USP32: variants seen among roughly 807,000 people sequenced by gnomAD.
USP32 encodes ubiquitin specific peptidase 32.
USP32 carries 59 observed loss-of-function variants against 204.8 expected under a neutral mutation model. That is an observed-to-expected ratio of 0.29 (90% confidence interval 0.23 to 0.36). The LOEUF is 0.36. Among genes scored for constraint, USP32 ranks in the 10% least tolerant of loss-of-function variants. USP32 has a pLI of 1.00. For synonymous variants in USP32, 517 were observed against 678.4 expected, an observed-to-expected ratio of 0.76 and a Z score of 3.70; for missense variants, 1,160 against 1,946.4, an observed-to-expected ratio of 0.60 and a Z score of 7.60.
intron 1 of USP32, among the ~76,000 whole-genome samples, chr17:60,349,643 TTATATATATACA>T (rs2088898836): frequency 1.0e-5 from 1 of 97,116 alleles, no homozygotes; most frequent in African/African-American, 6.7e-5. Context: ...TATATATATA[TTATATATATACA>T]TATATATACA....
chr17:60,361,716 T>C (rs553363964), intron 1 of USP32, among the ~76,000 whole-genome samples: 2 of 152,248 alleles, frequency 1.3e-5, no homozygotes, highest in East Asian at 3.9e-4. Flanking sequence ...AGGGTAGCTG[T>C]TTAAATAATG....
intron 1 of USP32, among the ~76,000 whole-genome samples, chr17:60,357,042 T>C (rs1002321470): frequency 3.3e-5 from 5 of 152,218 alleles, no homozygotes; most frequent in East Asian, 1.9e-4. Flanking sequence ...GAACTATGAT[T>C]GCATCACTGC....
At chr17:60,371,067 A>G (rs1224782651) in intron 1 of USP32, among the ~76,000 whole-genome samples, 1 of 151,450 alleles carries the variant, frequency 6.6e-6, no homozygotes, top group Admixed American at 6.6e-5. Flanking sequence ...CATCTCTACA[A>G]TAAAAATAAA....
At chr17:60,273,882 C>T (rs1287200768) in intron 5 of USP32, among the ~76,000 whole-genome samples, 2 of 143,898 alleles carry the variant, frequency 1.4e-5, no homozygotes, top group Non-Finnish European at 3.0e-5. Context: ...ATCGCTTGAA[C>T]CTAGGAGGTG....
chr17:60,398,281 A>G (rs2089912531), intron 1 of USP32, among the ~76,000 whole-genome samples: 1 of 152,208 alleles, frequency 6.6e-6, no homozygotes, highest in African/African-American at 2.4e-5. Context: ...CTGTAGTCTC[A>G]GCTACTCAGG....
chr17:60,416,995 G>A (rs1215213039), intron 1 of USP32, among the ~76,000 whole-genome samples: 2 of 148,648 alleles, frequency 1.3e-5, no homozygotes, highest in African/African-American at 5.0e-5. Flanking sequence ...TCGGCTCACT[G>A]CAACCTCCCC....
chr17:60,283,729 T>G (rs1052819647), intron 5 of USP32, among the ~76,000 whole-genome samples: 44 of 152,062 alleles, frequency 2.9e-4, no homozygotes, highest in Admixed American at 1.3e-4. Flanking sequence ...GAATTCACTT[T>G]AGATATAAGA....
upstream of USP32, among the ~76,000 whole-genome samples, chr17:60,393,992 G>T (rs145423121): frequency 2.2e-4 from 33 of 152,252 alleles, no homozygotes; most frequent in East Asian, 3.7e-3. Context: ...CCAATATTTC[G>T]TGTTTTTCTA....
chr17:60,224,554 G>A (rs1317890983), intron 13 of USP32, among the ~76,000 whole-genome samples: 1 of 152,210 alleles, frequency 6.6e-6, no homozygotes, highest in Admixed American at 6.5e-5. Context: ...GGAGGCCAAG[G>A]CTGGAGGACT....
chr17:60,369,596 T>C (rs956616371), intron 1 of USP32, among the ~76,000 whole-genome samples: 1 of 152,064 alleles, frequency 6.6e-6, no homozygotes, highest in African/African-American at 2.4e-5. Flanking sequence ...AACACAACAA[T>C]TGGCAGATCT....
At chr17:60,352,571 G>A (rs1598277700) in intron 1 of USP32, among the ~76,000 whole-genome samples, 1 of 152,154 alleles carries the variant, frequency 6.6e-6, no homozygotes, top group African/African-American at 2.4e-5. Context: ...TTTATGGAAG[G>A]CCATTCTAAG....
At chr17:60,196,482 G>C (rs1160995146) in intron 27 of USP32, among the ~76,000 whole-genome samples, 1 of 151,964 alleles carries the variant, frequency 6.6e-6, no homozygotes, top group African/African-American at 2.4e-5. Flanking sequence ...TTTTCCTTTA[G>C]GATTTATTTA....
chr17:60,409,631 A>G, intron 1 of USP32, among the ~76,000 whole-genome samples: 1 of 152,242 alleles, frequency 6.6e-6, no homozygotes, highest in South Asian at 2.1e-4. Flanking sequence ...AGTGAAAAAA[A>G]GTCTGACCTA....
chr17:60,281,788 A>G (rs1238225159), intron 5 of USP32, among the ~76,000 whole-genome samples: 1 of 152,196 alleles, frequency 6.6e-6, no homozygotes, highest in African/African-American at 2.4e-5. Context: ...GTTTCTCAAA[A>G]TGCAGTTCAT....
chr17:60,278,793 T>C (rs1170292113), intron 5 of USP32, among the ~76,000 whole-genome samples: 2 of 152,214 alleles, frequency 1.3e-5, no homozygotes, highest in Non-Finnish European at 2.9e-5. Flanking sequence ...GCTGCTAGAC[T>C]GCTTGGAGAG....
At chr17:60,259,847 T>C (rs1248180864) in intron 9 of USP32, among the ~76,000 whole-genome samples, 2 of 152,214 alleles carry the variant, frequency 1.3e-5, no homozygotes, top group South Asian at 4.1e-4. Context: ...TGTTTATAGT[T>C]CACATTTATT....
chr17:60,309,112 A>C (rs1052360400), intron 2 of USP32, among the ~76,000 whole-genome samples: 4 of 152,202 alleles, frequency 2.6e-5, no homozygotes, highest in African/African-American at 9.6e-5. Context: ...AAAAGGGCAA[A>C]TAACAAAAGC....
In USP32 at chr17:60,218,578, G is replaced by T. The variant is rs563023068; in HGVS notation, c.1867+1092C>A. Among the ~76,000 whole-genome samples, 63 of 151,864 alleles carry T rather than the reference G, an allele frequency of 4.1e-4. 1 individual carries two copies. In the East Asian group the frequency reaches 0.012, roughly 28 times the overall value. ...TGCTGGTATTGTTAACATAGTCTGAGAATTTGTGTAAATGGTTGCTCATGA... is the reference window on the plus strand; with the variant it reads ...TGCTGGTATTGTTAACATAGTCTGATAATTTGTGTAAATGGTTGCTCATGA... On this transcript the variant is annotated intron_variant, in intron 16 of 33. Coordinates refer to ENST00000300896, the MANE Select transcript of USP32 (RefSeq NM_032582.4).
intron 5 of USP32, among the ~76,000 whole-genome samples, chr17:60,283,892 T>A (rs748324663): frequency 6.6e-6 from 1 of 152,098 alleles, no homozygotes. Flanking sequence ...AAGCAAAGAA[T>A]GTACATCATC....
Sources: gnomAD v4.1 joint callset for allele counts (sites outside exome capture counted in the v4.1 genomes callset) on GRCh38, gnomAD v4.1.1 for gene constraint, MANE v1.5 for transcripts, NCBI Gene and HGNC (gene_info 2026-07-23, HGNC 2026-07-21) for gene names.